LIMS1: variants seen among roughly 807,000 people sequenced by gnomAD.
LIMS1 encodes the protein LIM and senescent cell antigen-like-containing domain protein 1.
In LIMS1, 18 loss-of-function variants were observed where a neutral mutation model predicts 44.1. The observed-to-expected ratio is 0.41, with a 90% CI of 0.28 to 0.61. The LOEUF (loss-of-function observed/expected upper bound fraction) is 0.61, where lower values mean the gene tolerates loss of function less well. LIMS1 is among the 20% of genes least tolerant of loss of function. The probability of loss-of-function intolerance (pLI) is 0.32; values close to 1 mark genes in which losing one functional copy is unlikely to be tolerated. For synonymous variants in LIMS1, 93 were observed against 149.1 expected (o/e 0.62, Z 2.74); for missense variants, 201 against 422.0 (o/e 0.48, Z 4.59).
At chr2:108,666,220 A>G (rs533340323) in intron 2 of LIMS1, among the ~76,000 whole-genome samples, 1 of 152,282 alleles carries the variant, frequency 6.6e-6, no homozygotes, top group East Asian at 1.9e-4. Flanking sequence ...TGCTCTGTAA[A>G]TTGGGAATCC....
At chr2:108,615,387 C>T (rs941337532) in intron 1 of LIMS1, among the ~76,000 whole-genome samples, 1 of 152,132 alleles carries the variant, frequency 6.6e-6, no homozygotes, top group Non-Finnish European at 1.5e-5. Flanking sequence ...AGTCCTGCTG[C>T]AAGCTTCTGT....
intron 1 of LIMS1, among the ~76,000 whole-genome samples, chr2:108,594,605 A>G (rs1444063408): frequency 6.6e-6 from 1 of 152,182 alleles, no homozygotes; most frequent in African/African-American, 2.4e-5. Context: ...GAATGGTGCT[A>G]TCCTGTAGAA....
intron 1 of LIMS1, among the ~76,000 whole-genome samples, chr2:108,634,253 C>T (rs1689090157): frequency 6.6e-6 from 1 of 152,202 alleles, no homozygotes. Flanking sequence ...TGCCAGCTCT[C>T]ATGCAGCACT....
chr2:108,563,564 T>C (rs1479346762), intron 1 of LIMS1, among the ~76,000 whole-genome samples: 1 of 152,198 alleles, frequency 6.6e-6, no homozygotes, highest in Admixed American at 6.5e-5. Context: ...AAGTTGTGAC[T>C]TGAATTATTG....
intron 1 of LIMS1, among the ~76,000 whole-genome samples, chr2:108,621,840 G>T (rs1462934387): frequency 1.3e-5 from 2 of 152,162 alleles, no homozygotes; most frequent in Admixed American, 1.3e-4. Flanking sequence ...ATGAAGGTGG[G>T]TAGTTTGTGG....
At chr2:108,665,120 G>C (rs537845788) in intron 2 of LIMS1, among the ~76,000 whole-genome samples, 6 of 152,180 alleles carry the variant, frequency 3.9e-5, no homozygotes, top group Non-Finnish European at 7.3e-5. Flanking sequence ...TGGATATTCT[G>C]TATTCAGGTA....
At chr2:108,575,029 A>G (rs139588491) in intron 1 of LIMS1, among the ~76,000 whole-genome samples, 27 of 152,284 alleles carry the variant, frequency 1.8e-4, no homozygotes, top group East Asian at 1.2e-3. Context: ...AATAATTCAT[A>G]TAAGTGTCCT....
intron 1 of LIMS1, among the ~76,000 whole-genome samples, chr2:108,536,839 C>T (rs1360295097): frequency 1.3e-5 from 2 of 152,184 alleles, no homozygotes; most frequent in African/African-American, 2.4e-5. Flanking sequence ...AGTCCACCCA[C>T]CTCAGCCTCC....
chr2:108,612,025 CAT>C lies in LIMS1; in HGVS notation c.33-47576_33-47575del, dbSNP rs201142924. Among the ~76,000 whole-genome samples the C allele has an allele frequency of 0.084, 6,629 of 78,818 alleles. 1,957 individuals are homozygous for C. The East Asian group carries it at 0.85, about 10-fold the overall frequency. The allele number at this position is 78,818 out of a possible 152,430, so 51.7% of individuals were successfully genotyped here. On this transcript the variant is annotated intron_variant, in intron 1 of 9. Coordinates refer to ENST00000544547, the Ensembl canonical transcript of LIMS1. Reference sequence around the variant, plus strand: ...ATACACACATATATATATACACACACATATACACACACACACACACACACACA... The same window carrying C: ...ATACACACATATATATATACACACACATACACACACACACACACACACACA...
At chr2:108,653,514 GTC>G (rs1415449095) in intron 1 of LIMS1, among the ~76,000 whole-genome samples, 1 of 151,782 alleles carries the variant, frequency 6.6e-6, no homozygotes. Flanking sequence ...TTATTTCACA[GTC>G]TCTTGGTTTT....
At chr2:108,556,099 A>G (rs928291537) in intron 1 of LIMS1, among the ~76,000 whole-genome samples, 2 of 152,126 alleles carry the variant, frequency 1.3e-5, no homozygotes, top group Non-Finnish European at 2.9e-5. Context: ...AATAACTCCC[A>G]TTCTGCCTTG....
chr2:108,678,028 G>A lies in LIMS1; in HGVS notation c.823+1G>A. On this transcript the variant is annotated splice_donor_variant, in intron 8 of 9. Coordinates refer to ENST00000544547, the Ensembl canonical transcript of LIMS1. LOFTEE classifies it high-confidence loss of function. The stretch of plus-strand genomic sequence containing the variant: ...TGCAATCGTGTTATAGAAGGTGATG[G>A]TAAGTATCTGTGTGAGTTTTAGATT... 1 of 1,604,250 alleles carries A rather than the reference G, an allele frequency of 6.2e-7. No individual in the cohort carries two copies. The highest frequency in any genetic ancestry group is 8.5e-7 in the Non-Finnish European group (1 of 1,178,334).
intron 9 of LIMS1, among the ~76,000 whole-genome samples, chr2:108,683,469 G>A (rs1185334089): frequency 6.8e-6 from 1 of 147,360 alleles, no homozygotes; most frequent in Non-Finnish European, 1.5e-5. Flanking sequence ...TTGAGTCCAG[G>A]AGTTAGAGGC....
chr2:108,652,383 G>A (rs1429873416), intron 1 of LIMS1, among the ~76,000 whole-genome samples: 1 of 152,234 alleles, frequency 6.6e-6, no homozygotes, highest in Non-Finnish European at 1.5e-5. Context: ...AACTGGACAT[G>A]TGGAGCAACT....
chr2:108,578,619 A>C (rs927973718), intron 1 of LIMS1, among the ~76,000 whole-genome samples: 6 of 106,646 alleles, frequency 5.6e-5, no homozygotes, highest in Non-Finnish European at 8.8e-5. Flanking sequence ...TTGGAGACGG[A>C]GTCTCTCACT....
chr2:108,646,699 T>G (rs781392571), intron 1 of LIMS1, among the ~76,000 whole-genome samples: 1 of 152,162 alleles, frequency 6.6e-6, no homozygotes, highest in Non-Finnish European at 1.5e-5. Context: ...GCTGGGGTTT[T>G]GTTTTGTTTT....
intron 1 of LIMS1, among the ~76,000 whole-genome samples, chr2:108,566,626 C>T (rs1295149222): frequency 1.3e-5 from 2 of 151,738 alleles, no homozygotes; most frequent in African/African-American, 4.8e-5. Context: ...GATGGAGTTT[C>T]GCTCTTGTCA....
chr2:108,635,117 G>T (rs575633213), intron 1 of LIMS1, among the ~76,000 whole-genome samples: 1 of 152,238 alleles, frequency 6.6e-6, no homozygotes, highest in South Asian at 2.1e-4. Flanking sequence ...TCCATGTGTG[G>T]CCTCTAGTTT....
chr2:108,538,906 G>A (rs1032062318), intron 1 of LIMS1, among the ~76,000 whole-genome samples: 15 of 152,250 alleles, frequency 9.9e-5, no homozygotes, highest in African/African-American at 3.4e-4. Context: ...TCAACAAGCT[G>A]TCTTAGAGCG....
Sources: gnomAD v4.1 joint callset for allele counts (sites outside exome capture counted in the v4.1 genomes callset) on GRCh38, gnomAD v4.1.1 for gene constraint, MANE v1.5 for transcripts, NCBI Gene and HGNC (gene_info 2026-07-23, HGNC 2026-07-21) for gene names.